Variants in NEGR1 observed in about 807,000 individuals in gnomAD.
The protein encoded by NEGR1 is IgLON family member 4.
NEGR1 carries 10 observed loss-of-function variants against 40.9 expected under a neutral mutation model. The observed-to-expected ratio is 0.24, with a 90% CI of 0.15 to 0.42. The LOEUF (loss-of-function observed/expected upper bound fraction) is 0.42, where lower values mean the gene tolerates loss of function less well. Among genes scored for constraint, NEGR1 ranks in the 10% least tolerant of loss-of-function variants. NEGR1 has a pLI of 1.00. For synonymous variants in NEGR1, 185 were observed against 166.8 expected, an observed-to-expected ratio of 1.11 and a Z score of -0.84; for missense variants, 352 against 438.9, an observed-to-expected ratio of 0.80 and a Z score of 1.77.
chr1:72,281,179 AC>A (rs1656229410), intron 1 of NEGR1, among the ~76,000 whole-genome samples: 1 of 152,116 alleles, frequency 6.6e-6, no homozygotes, highest in East Asian at 1.9e-4. Flanking sequence ...AAAAGTGAAG[AC>A]TGATGGAGGG....
At chr1:71,828,219 T>G (rs1277787812) in intron 2 of NEGR1, among the ~76,000 whole-genome samples, 3 of 151,956 alleles carry the variant, frequency 2.0e-5, no homozygotes, top group African/African-American at 7.2e-5. Context: ...AGCTGTGGAT[T>G]TCAGAGAAGG....
At chr1:72,253,251 C>G (rs1353828489) in intron 1 of NEGR1, among the ~76,000 whole-genome samples, 1 of 152,098 alleles carries the variant, frequency 6.6e-6, no homozygotes, top group Non-Finnish European at 1.5e-5. Context: ...TATTTTCATT[C>G]TCTCTCTTTT....
At chr1:72,219,290 T>A (rs1430589654) in intron 1 of NEGR1, among the ~76,000 whole-genome samples, 2 of 152,034 alleles carry the variant, frequency 1.3e-5, no homozygotes, top group African/African-American at 4.8e-5. Context: ...TAATAAACAG[T>A]GATGGTAAAG....
At chr1:71,611,221 A>AT (rs1650239107) in intron 4 of NEGR1, 75 bp from the exon 5 acceptor site, 2 of 1,360,752 alleles carry the variant, frequency 1.5e-6, no homozygotes, top group African/African-American at 2.9e-5. Context: ...ACACACATAT[A>AT]TTTTTATTCC....
intron 2 of NEGR1, among the ~76,000 whole-genome samples, chr1:71,917,021 C>G (rs1661603943): frequency 6.6e-6 from 1 of 152,090 alleles, no homozygotes; most frequent in Admixed American, 6.5e-5. Context: ...CTCAGTGTTT[C>G]CTGTGTGTGT....
At chr1:71,580,811 G>A (rs1050317979) in intron 6 of NEGR1, among the ~76,000 whole-genome samples, 8 of 152,184 alleles carry the variant, frequency 5.3e-5, no homozygotes, top group Admixed American at 4.6e-4. Flanking sequence ...AGATAAGTGA[G>A]GTTATGTAAT....
intron 6 of NEGR1, among the ~76,000 whole-genome samples, chr1:71,457,582 G>A (rs1383959100): frequency 6.6e-6 from 1 of 152,168 alleles, no homozygotes; most frequent in Admixed American, 6.5e-5. Flanking sequence ...TTTTTATTGC[G>A]AATTCAGCGA....
At chr1:71,946,978 G>A (rs1336590857) in intron 1 of NEGR1, among the ~76,000 whole-genome samples, 4 of 150,734 alleles carry the variant, frequency 2.7e-5, no homozygotes, top group Non-Finnish European at 5.9e-5. Flanking sequence ...CTACTTAGGA[G>A]GTTGAGATGG....
chr1:72,057,350 A>C (rs547765816), intron 1 of NEGR1, among the ~76,000 whole-genome samples: 2 of 151,608 alleles, frequency 1.3e-5, no homozygotes, highest in East Asian at 3.9e-4. Context: ...TTAGATTGGC[A>C]TGTATAATAG....
intron 1 of NEGR1, among the ~76,000 whole-genome samples, chr1:72,198,503 T>A (rs992319381): frequency 3.3e-5 from 5 of 151,980 alleles, no homozygotes; most frequent in African/African-American, 4.8e-5. Flanking sequence ...GAAAAAAAAA[T>A]TTCTATGTTA....
At chr1:72,250,063 C>A (rs144074510) in intron 1 of NEGR1, among the ~76,000 whole-genome samples, 1 of 152,038 alleles carries the variant, frequency 6.6e-6, no homozygotes, top group African/African-American at 2.4e-5. Context: ...ATAAAATGTG[C>A]GTAAAGTATA....
chr1:71,907,789 G>C (rs959232499), intron 2 of NEGR1, among the ~76,000 whole-genome samples: 1 of 151,984 alleles, frequency 6.6e-6, no homozygotes, highest in African/African-American at 2.4e-5. Context: ...AGAAAATAGG[G>C]TACATACACC....
intron 2 of NEGR1, among the ~76,000 whole-genome samples, chr1:71,806,829 C>T (rs997474300): frequency 2.6e-5 from 4 of 151,828 alleles, no homozygotes; most frequent in African/African-American, 9.7e-5. Flanking sequence ...AAGTTTTAAT[C>T]CCCATCCTAC....
chr1:72,131,588 A>T (rs147876880), intron 1 of NEGR1, among the ~76,000 whole-genome samples: 2 of 152,342 alleles, frequency 1.3e-5, no homozygotes, highest in African/African-American at 4.8e-5. Flanking sequence ...TCCAAATACG[A>T]TAACAAGATA....
intron 6 of NEGR1, among the ~76,000 whole-genome samples, chr1:71,503,433 T>C (rs1355674053): frequency 2.0e-5 from 3 of 151,842 alleles, no homozygotes; most frequent in Admixed American, 6.6e-5. Flanking sequence ...TCTCACAAAA[T>C]AGGGGACAGG....
chr1:72,179,669 A>C (rs1388195076), intron 1 of NEGR1, among the ~76,000 whole-genome samples: 1 of 152,100 alleles, frequency 6.6e-6, no homozygotes, highest in Admixed American at 6.6e-5. Context: ...ATTTTATTCT[A>C]ATTTTTTCAA....
chr1:72,226,909 T>C (rs551693494), intron 1 of NEGR1, among the ~76,000 whole-genome samples: 1 of 152,104 alleles, frequency 6.6e-6, no homozygotes, highest in African/African-American at 2.4e-5. Flanking sequence ...CATATTAGAG[T>C]AGGAAAAATG....
intron 2 of NEGR1, among the ~76,000 whole-genome samples, chr1:71,923,467 C>T (rs1645739444): frequency 6.6e-6 from 1 of 151,868 alleles, no homozygotes; most frequent in African/African-American, 2.4e-5. Flanking sequence ...TATAAAGGTG[C>T]CTTTATTTTA....
chr1:72,038,345 T>C (rs1569860695), intron 1 of NEGR1, among the ~76,000 whole-genome samples: 1 of 152,162 alleles, frequency 6.6e-6, no homozygotes, highest in Non-Finnish European at 1.5e-5. Context: ...AAGTTTAACA[T>C]GTTTAAGCTG....
Sources: gnomAD v4.1 joint callset for allele counts (sites outside exome capture counted in the v4.1 genomes callset) on GRCh38, gnomAD v4.1.1 for gene constraint, MANE v1.5 for transcripts, NCBI Gene and HGNC (gene_info 2026-07-23, HGNC 2026-07-21) for gene names.